Variants in C1orf141 observed in about 807,000 individuals in gnomAD.
C1orf141 encodes chromosome 1 open reading frame 141.
A neutral mutation model predicts 23.2 loss-of-function variants in C1orf141; 19 were observed. The ratio of observed to expected loss-of-function variants is 0.82; its 90% CI spans 0.57 to 1.20. The LOEUF is 1.20. C1orf141 is among the 50% of genes most tolerant of loss of function. The pLI, the probability that C1orf141 is intolerant of heterozygous loss-of-function variation, is 0.00. For missense variants in C1orf141, 469 were observed against 455.1 expected, an observed-to-expected ratio of 1.03 and a Z score of -0.28; for synonymous variants, 153 against 154.6, an observed-to-expected ratio of 0.99 and a Z score of 0.08.
At chr1:67,099,041 G>C (rs1427604943) in intron 5 of C1orf141, among the ~76,000 whole-genome samples, 2 of 152,068 alleles carry the variant, frequency 1.3e-5, no homozygotes, top group African/African-American at 4.8e-5. Context: ...TTTGGAAGAA[G>C]AAAATAGAGG....
intron 4 of C1orf141, among the ~76,000 whole-genome samples, chr1:67,116,052 T>C (rs1237209291): frequency 6.6e-6 from 1 of 152,216 alleles, no homozygotes; most frequent in Non-Finnish European, 1.5e-5. Flanking sequence ...AACTGTTGTC[T>C]ATAGGCCAAT....
chr1:67,121,276 T>C (rs1055189310), intron 4 of C1orf141, among the ~76,000 whole-genome samples: 1 of 152,222 alleles, frequency 6.6e-6, no homozygotes, highest in South Asian at 2.1e-4. Context: ...TTATTTTTCA[T>C]GCTATTCAAA....
intron 5 of C1orf141, among the ~76,000 whole-genome samples, chr1:67,101,841 T>C (rs1442431296): frequency 6.6e-6 from 1 of 152,126 alleles, no homozygotes; most frequent in East Asian, 1.9e-4. Context: ...TAAAGGGAGA[T>C]TGCTTTGCTG....
chr1:67,094,376 C>T (rs1028996341), intron 7 of C1orf141: 2 of 152,220 alleles, frequency 1.3e-5, no homozygotes, highest in African/African-American at 4.8e-5. Flanking sequence ...TCTATGTACC[C>T]TTAGGTAGAG....
At position 67,096,242 on chromosome 1, in the gene C1orf141, A is replaced by G; in HGVS notation, c.416+10T>C. 7.6e-7 allele frequency: 1 copy of G among 1,311,616 alleles called. No homozygotes were observed. The highest frequency in any genetic ancestry group is 1.1e-6 in the Non-Finnish European group (1 of 930,966). The allele number at this position is 1,311,616 out of a possible 1,614,324, so 81.2% of individuals were successfully genotyped here. A position where few individuals can be genotyped will look rare whatever the true frequency, so the allele number is the denominator to read the frequency against. ...CAGAACAAAGTATTAAGCATTTTAA[A>G]ATAAATTACCTTTTATTTCTATCAC... On this transcript the variant is annotated intron_variant, in intron 6 of 7. Coordinates refer to ENST00000684719, the MANE Select transcript of C1orf141 (RefSeq NM_001276351.2).
At chr1:67,121,728 C>G (rs1646302641) in intron 4 of C1orf141, 1 of 152,136 alleles carries the variant, frequency 6.6e-6, no homozygotes. Flanking sequence ...ACAAGCAGCT[C>G]TAATGAATTG....
Position 67,110,094 on chromosome 1 carries a change from A to G in C1orf141, c.346+5258T>C, listed in dbSNP as rs1646033727. 2.0e-5 allele frequency among the ~76,000 whole-genome samples: 3 copies of G among 152,170 alleles called. No homozygotes were observed. In the South Asian group the frequency reaches 6.2e-4, roughly 32 times the overall value. ...TGTTAATAGTATTTTGAGTTTTAGA[A>G]TTAACCTACAAACAACTTAATCAGA... On this transcript the variant is annotated intron_variant, in intron 5 of 7. Transcript: ENST00000684719.
At chr1:67,125,695 T>C (rs769690085) in intron 4 of C1orf141, 57 bp downstream of exon 4, 1 of 1,536,782 alleles carries the variant, frequency 6.5e-7, no homozygotes, top group Non-Finnish European at 9.0e-7. Flanking sequence ...GAGTCCTTGT[T>C]TCACAAACAA....
intron 2 of C1orf141, among the ~76,000 whole-genome samples, chr1:67,128,641 C>T (rs142001088): frequency 0.017 from 2,533 of 152,018 alleles, 38 homozygotes; most frequent in Non-Finnish European, 0.027. Flanking sequence ...GCAGAGGTTG[C>T]AGTGAGCCAA....
At chr1:67,126,359 G>A (rs911514815) in intron 3 of C1orf141, among the ~76,000 whole-genome samples, 3 of 152,114 alleles carry the variant, frequency 2.0e-5, no homozygotes, top group Non-Finnish European at 4.4e-5. Flanking sequence ...ATCAAAAGAG[G>A]ACTTTGTTAA....
At chr1:67,103,097 A>AAAGAAGGCTGGAGAAAGATC (rs1645841370) in intron 5 of C1orf141, 6 of 476,188 alleles carry the variant, frequency 1.3e-5, no homozygotes, top group Non-Finnish European at 2.2e-5. Flanking sequence ...AAGAGTAAGA[A>AAAGAAGGCTGGAGAAAGATC]AAGAAGGCTG....
intron 1 of C1orf141, among the ~76,000 whole-genome samples, chr1:67,134,268 T>G (rs2102513900): frequency 6.6e-6 from 1 of 152,336 alleles, no homozygotes; most frequent in South Asian, 2.1e-4. Flanking sequence ...CCTCCCAAAG[T>G]GCTGGGATTA....
At chr1:67,128,353 C>CTTTA (rs142954688) in intron 2 of C1orf141, among the ~76,000 whole-genome samples, 18 of 147,598 alleles carry the variant, frequency 1.2e-4, no homozygotes, top group East Asian at 2.0e-4. Flanking sequence ...CCAAAGCTCC[C>CTTTA]TTTATTTATT....
intron 5 of C1orf141, among the ~76,000 whole-genome samples, chr1:67,100,561 C>T (rs1056648666): frequency 6.6e-6 from 1 of 151,882 alleles, no homozygotes; most frequent in Non-Finnish European, 1.5e-5. Flanking sequence ...TAAGTTTTTT[C>T]CTGGTTCATG....
Position 67,095,352 on chromosome 1 carries a change from A to C in C1orf141, c.486T>G (p.Ser162Arg). 1 of 1,574,848 alleles carries C rather than the reference A, an allele frequency of 6.3e-7. No homozygotes were observed. The highest frequency in any genetic ancestry group is 1.7e-4 in the Middle Eastern group (1 of 5,948). ...TTTTCTTTCTTACTGACCTATACTT[A>C]CTTAATTGATAATTTCTGACCGATT... Reference protein sequence around the residue: ...ENKSVRNYQLSKYRSVRKKSL... With the variant: ...ENKSVRNYQLRKYRSVRKKSL... The change falls in exon 7 of 8, where the codon AGT becomes AGG. Residue 162 changes from serine to arginine, a missense_variant. Coordinates refer to ENST00000684719, the MANE Select transcript of C1orf141 (RefSeq NM_001276351.2).
At chr1:67,115,693 A>G (rs1032989910) in intron 4 of C1orf141, among the ~76,000 whole-genome samples, 3 of 152,188 alleles carry the variant, frequency 2.0e-5, no homozygotes, top group African/African-American at 7.2e-5. Context: ...CTGCTGTGAT[A>G]GCATTGAGGG....
chr1:67,125,296 G>T (rs1421967939), intron 4 of C1orf141, among the ~76,000 whole-genome samples: 1 of 151,990 alleles, frequency 6.6e-6, no homozygotes, highest in Non-Finnish European at 1.5e-5. Context: ...GAAATATTCA[G>T]AAAGCTAATC....
chr1:67,120,567 G>A (rs1052707580), intron 4 of C1orf141, among the ~76,000 whole-genome samples: 2 of 152,016 alleles, frequency 1.3e-5, no homozygotes, highest in Non-Finnish European at 2.9e-5. Flanking sequence ...GAGGTAATTA[G>A]GTCATGAGGG....
intron 5 of C1orf141, among the ~76,000 whole-genome samples, chr1:67,103,929 T>C (rs11804496): frequency 0.099 from 15,019 of 152,122 alleles, 1,172 homozygotes; most frequent in African/African-American, 0.21. Flanking sequence ...ATGCACATGT[T>C]AATATAAACT....
Sources: gnomAD v4.1 joint callset for allele counts (sites outside exome capture counted in the v4.1 genomes callset) on GRCh38, gnomAD v4.1.1 for gene constraint, MANE v1.5 for transcripts, NCBI Gene and HGNC (gene_info 2026-07-23, HGNC 2026-07-21) for gene names.